The following USH2A variants were observed in gnomAD, a reference collection of about 807,000 sequenced individuals.
The protein encoded by USH2A is Usher syndrome 2A (autosomal recessive, mild).
In USH2A, 443 loss-of-function variants were observed where a neutral mutation model predicts 538.9. The ratio of observed to expected loss-of-function variants is 0.82; its 90% confidence interval spans 0.76 to 0.89. The LOEUF is 0.89. Among genes scored for constraint, USH2A ranks in the 40% least tolerant of loss-of-function variants. The pLI is 0.00. For synonymous variants in USH2A, 2,413 were observed against 2,273.5 expected (o/e 1.06, Z -1.75); for missense variants, 6,633 against 6,324.8 (o/e 1.05, Z -1.65).
chr1:215,965,278 CTAATGTTATT>C, intron 37 of USH2A, 29 bp downstream of exon 37: 1 of 1,581,966 alleles, frequency 6.3e-7, no homozygotes, highest in Admixed American at 1.7e-5. Context: ...GAGTTGTTTT[CTAATGTTATT>C]TAAAGTTTAG....
intron 19 of USH2A, among the ~76,000 whole-genome samples, chr1:216,195,141 CT>C (rs1448904558): frequency 6.6e-6 from 1 of 152,098 alleles, no homozygotes; most frequent in Non-Finnish European, 1.5e-5. Flanking sequence ...GCTAGAGCTA[CT>C]TTTTTATAAT....
In USH2A at chr1:216,246,932, A is replaced by G. The variant is rs757681199; in HGVS notation, c.2462T>C (p.Val821Ala). The change falls in exon 13 of 72, where the codon GTT (valine) becomes GCT (alanine). Residue 821 changes from valine (V) to alanine (A), a missense_variant. By Grantham distance (64) the Val-to-Ala change is moderately conservative. Transcript: ENST00000307340. ...ACATTTATTGCACTGTCTCCCTTCA[A>G]CATTGGGCTTGCAGATGCACTGCCC... ...KTGQCICKPN[V>A]EGRQCNKCLE... 6.2e-7 allele frequency: 1 copy of G among 1,614,090 alleles called. No individual in the cohort carries two copies. Among genetic ancestry groups the G allele is most frequent in the East Asian group, 2.2e-5 (1 of 44,860 alleles).
chr1:215,650,773 G>A lies in USH2A; in HGVS notation c.14162C>T (p.Ala4721Val), dbSNP rs141656551. The A allele has an allele frequency of 1.3e-5, 21 of 1,613,174 alleles. No individual in the cohort carries two copies. Among genetic ancestry groups the A allele is most frequent in the Non-Finnish European group, 1.7e-5 (20 of 1,179,936 alleles). ...QVWAVNSAGK[A>V]PSSWTWCRTG... ...TCTGCACCATGTCCAGCTACTGGGG[G>A]CTTTTCCTGCAGAATTCACTGCCCA... Residue 4721 changes from alanine to valine, a missense_variant, in exon 65 of 72, where the codon GCC becomes GTC. Ala to Val is a moderately conservative substitution (Grantham distance 64, BLOSUM62 0). Coordinates refer to ENST00000307340, the MANE Select transcript of USH2A (RefSeq NM_206933.4).
At chr1:215,921,357 C>CT (rs1169318051) in intron 38 of USH2A, among the ~76,000 whole-genome samples, 3 of 151,978 alleles carry the variant, frequency 2.0e-5, no homozygotes, top group Admixed American at 1.3e-4. Context: ...CTGCTTAATG[C>CT]TTTTTTGTAA....
At chr1:216,383,878 T>C (rs1297583694) in intron 3 of USH2A, among the ~76,000 whole-genome samples, 3 of 150,310 alleles carry the variant, frequency 2.0e-5, no homozygotes, top group Non-Finnish European at 4.4e-5. Flanking sequence ...TTTTTTTTTT[T>C]TTTGTAGAGA....
chr1:216,344,742 C>T lies in USH2A; in HGVS notation c.785-17088G>A, dbSNP rs183958947. 7.5e-4 allele frequency among the ~76,000 whole-genome samples: 114 copies of T among 151,546 alleles called. 1 individual carries two copies. Among genetic ancestry groups the T allele is most frequent in the African/African-American group, 2.7e-3 (112 of 41,318 alleles). ...TCTTAAGACAGAGGTGGTTAAAGGCCCCTCTTAATAAAAGACAAGGACACT... is the reference window on the plus strand; with the variant it reads ...TCTTAAGACAGAGGTGGTTAAAGGCTCCTCTTAATAAAAGACAAGGACACT... On this transcript the variant is annotated intron_variant, in intron 4 of 71. Transcript: ENST00000307340.
chr1:215,830,396 A>G (rs1386417452), intron 47 of USH2A, among the ~76,000 whole-genome samples: 10 of 152,204 alleles, frequency 6.6e-5, no homozygotes, highest in Non-Finnish European at 2.9e-5. Flanking sequence ...CTTTCTGTCC[A>G]GAGAAATCAG....
intron 21 of USH2A, chr1:216,173,882 T>C (rs1407140935): frequency 1.2e-6 from 1 of 852,462 alleles, no homozygotes; most frequent in Non-Finnish European, 1.4e-6. Context: ...GTTTCCATTT[T>C]CATTTGAGAA....
intron 47 of USH2A, among the ~76,000 whole-genome samples, chr1:215,825,416 T>C (rs952386728): frequency 6.6e-6 from 1 of 150,758 alleles, no homozygotes; most frequent in Non-Finnish European, 1.5e-5. Flanking sequence ...GTAGGGAAAA[T>C]AATTTGATAT....
At position 216,376,422 on chromosome 1, in the gene USH2A, AG is replaced by A. The variant is rs555360125; in HGVS notation, c.652-11338del. Among the ~76,000 whole-genome samples, 1,048 of 152,234 alleles carry A rather than the reference AG, an allele frequency of 6.9e-3. 10 individuals carry two copies. Among genetic ancestry groups the A allele is most frequent in the African/African-American group, 0.024 (1,004 of 41,562 alleles). On this transcript the variant is annotated intron_variant, in intron 3 of 71. Coordinates refer to ENST00000307340, the MANE Select transcript of USH2A (RefSeq NM_206933.4). Reference sequence around the variant, plus strand: ...TGTGGGAAAACAGAAAAAAACAAGAAGGAATAAAATTTAAAATGATTAGGTT... The same window carrying A: ...TGTGGGAAAACAGAAAAAAACAAGAAGAATAAAATTTAAAATGATTAGGTT...
At chr1:216,406,554 C>T (rs775617058) in intron 3 of USH2A, among the ~76,000 whole-genome samples, 2 of 152,168 alleles carry the variant, frequency 1.3e-5, no homozygotes, top group Non-Finnish European at 2.9e-5. Flanking sequence ...CTAGACCTCT[C>T]CAAGTTCGGT....
chr1:216,156,295 C>CTTTTTTTTTTTTTTTTTTTTTTTTTTTT (rs35698520), intron 21 of USH2A, among the ~76,000 whole-genome samples: 8 of 105,520 alleles, frequency 7.6e-5, no homozygotes, highest in African/African-American at 1.4e-4. Context: ...TTTTTTTTTT[C>CTTTTTTTTTTTTTTTTTTTTTTTTTTTT]TTTTTTTTTT....
chr1:216,064,815 C>T (rs1394679072), intron 30 of USH2A, among the ~76,000 whole-genome samples: 1 of 152,148 alleles, frequency 6.6e-6, no homozygotes, highest in East Asian at 1.9e-4. Flanking sequence ...GTGGAGTAGG[C>T]TATGTCATCT....
At chr1:215,930,180 C>T (rs1008260863) in intron 38 of USH2A, among the ~76,000 whole-genome samples, 10 of 151,990 alleles carry the variant, frequency 6.6e-5, no homozygotes, top group Non-Finnish European at 1.0e-4. Flanking sequence ...CTCCAAGTTC[C>T]TTTCACTGTT....
At position 216,363,921 on chromosome 1, in the gene USH2A, T is replaced by A. The variant is rs72733359; in HGVS notation, c.784+1032A>T. On this transcript the variant is annotated intron_variant, in intron 4 of 71. Transcript: ENST00000307340. ...ACTATATCTCTAGCTAAAAATGTAC[T>A]AAAAATCTGTAGGAGTATAAAAAAG... Among the ~76,000 whole-genome samples, 752 of 151,834 alleles carry A rather than the reference T, an allele frequency of 5.0e-3. 5 individuals are homozygous for A. Among genetic ancestry groups the A allele is most frequent in the Non-Finnish European group, 7.8e-3 (528 of 67,884 alleles).
At chr1:215,644,047 A>G (rs1656773360) in intron 67 of USH2A, among the ~76,000 whole-genome samples, 1 of 152,250 alleles carries the variant, frequency 6.6e-6, no homozygotes, top group Non-Finnish European at 1.5e-5. Flanking sequence ...ACAAAATCAG[A>G]CAGCACACAT....
chr1:215,802,103 C>A (rs554729605), intron 49 of USH2A, among the ~76,000 whole-genome samples: 60 of 151,332 alleles, frequency 4.0e-4, no homozygotes, highest in African/African-American at 1.2e-3. Context: ...TACTTTATAC[C>A]ATATACCAAA....
At chr1:215,849,125 A>G (rs889913279) in intron 44 of USH2A, among the ~76,000 whole-genome samples, 1 of 152,194 alleles carries the variant, frequency 6.6e-6, no homozygotes, top group Middle Eastern at 3.2e-3. Context: ...ATAGAAAAAC[A>G]TAAGTTACAA....
At chr1:215,815,077 G>A (rs1662820203) in intron 48 of USH2A, among the ~76,000 whole-genome samples, 1 of 151,976 alleles carries the variant, frequency 6.6e-6, no homozygotes, top group South Asian at 2.1e-4. Context: ...TTTCATGCTA[G>A]GAAATGTGTA....
Sources: allele counts gnomAD v4.1 joint callset (sites outside exome capture counted in the v4.1 genomes callset), GRCh38; gene constraint gnomAD v4.1.1; transcripts MANE v1.5; gene names NCBI Gene and HGNC (gene_info 2026-07-23, HGNC 2026-07-21).